Variants in BABAM2 observed in about 807,000 individuals in gnomAD.
The protein encoded by BABAM2 is BRISC and BRCA1-A complex member 2.
A neutral mutation model predicts 54.7 loss-of-function variants in BABAM2; 31 were observed. That is an observed-to-expected ratio of 0.57 (90% CI 0.43 to 0.77). BABAM2 has a LOEUF of 0.77. BABAM2 is among the 30% of genes least tolerant of loss of function. The pLI is 0.00. For synonymous variants in BABAM2, 167 were observed against 162.9 expected, an observed-to-expected ratio of 1.03 and a Z score of -0.19; for missense variants, 364 against 455.8, an observed-to-expected ratio of 0.80 and a Z score of 1.83.
chr2:28,173,201 C>T (rs1674548647), intron 7 of BABAM2, among the ~76,000 whole-genome samples: 1 of 152,166 alleles, frequency 6.6e-6, no homozygotes, highest in Non-Finnish European at 1.5e-5. Context: ...TTCATAACAC[C>T]TCCCTTGAGT....
intron 3 of BABAM2, among the ~76,000 whole-genome samples, chr2:27,977,821 A>G (rs1426894029): frequency 2.6e-5 from 4 of 152,176 alleles, no homozygotes; most frequent in African/African-American, 7.2e-5. Context: ...AAGCCTGTCT[A>G]AGAGGTGACT....
chr2:28,109,423 C>T (rs978624204), intron 6 of BABAM2, among the ~76,000 whole-genome samples: 2 of 151,964 alleles, frequency 1.3e-5, no homozygotes, highest in South Asian at 2.1e-4. Context: ...CTCTTGACCT[C>T]GTGATCTGCC....
chr2:27,991,769 T>A (rs1435733643), intron 4 of BABAM2, among the ~76,000 whole-genome samples: 1 of 152,222 alleles, frequency 6.6e-6, no homozygotes, highest in Admixed American at 6.5e-5. Context: ...TATACTGCAT[T>A]TTATTTATCC....
intron 10 of BABAM2, among the ~76,000 whole-genome samples, chr2:28,282,550 T>C (rs916131532): frequency 6.6e-6 from 1 of 152,200 alleles, no homozygotes; most frequent in Non-Finnish European, 1.5e-5. Context: ...GGTCGAATCC[T>C]GGCCCCATCT....
At chr2:27,980,410 C>T (rs1351366282) in intron 3 of BABAM2, among the ~76,000 whole-genome samples, 5 of 152,180 alleles carry the variant, frequency 3.3e-5, no homozygotes, top group Non-Finnish European at 7.3e-5. Context: ...ATGTTTTCTA[C>T]TTCCTGTATA....
intron 4 of BABAM2, among the ~76,000 whole-genome samples, chr2:28,002,189 G>T (rs547017549): frequency 5.3e-5 from 8 of 152,206 alleles, no homozygotes; most frequent in African/African-American, 1.9e-4. Flanking sequence ...TTCTGCTCAC[G>T]CTGATATTAC....
At chr2:28,194,534 C>G (rs555757773) in intron 7 of BABAM2, among the ~76,000 whole-genome samples, 90 of 149,420 alleles carry the variant, frequency 6.0e-4, no homozygotes, top group Non-Finnish European at 7.8e-4. Context: ...CCGTAATTTT[C>G]AGTGTTTCCC....
intron 7 of BABAM2, among the ~76,000 whole-genome samples, chr2:28,130,478 C>T (rs758918326): frequency 9.2e-5 from 14 of 152,000 alleles, no homozygotes; most frequent in East Asian, 3.9e-4. Flanking sequence ...TTTGAGACAG[C>T]GTCTCACTCT....
intron 6 of BABAM2, among the ~76,000 whole-genome samples, chr2:28,106,805 T>C (rs969327809): frequency 1.1e-4 from 16 of 152,200 alleles, no homozygotes; most frequent in Non-Finnish European, 1.8e-4. Flanking sequence ...TATCAAGCTT[T>C]CAATTTATTT....
chr2:28,151,656 G>A (rs1429637312), intron 7 of BABAM2, among the ~76,000 whole-genome samples: 1 of 119,608 alleles, frequency 8.4e-6, no homozygotes, highest in East Asian at 2.1e-4. Flanking sequence ...TTCTTCAATA[G>A]TGAGTTAAAA....
At chr2:27,895,478 A>C (rs1310814034) in intron 2 of BABAM2, among the ~76,000 whole-genome samples, 2 of 152,152 alleles carry the variant, frequency 1.3e-5, no homozygotes, top group African/African-American at 4.8e-5. Flanking sequence ...TTTTTTTCCC[A>C]AGTGTAGTAC....
chr2:28,116,089 T>C (rs900797390), intron 6 of BABAM2, among the ~76,000 whole-genome samples: 22 of 150,122 alleles, frequency 1.5e-4, no homozygotes, highest in Admixed American at 6.7e-4. Context: ...CACTCCAGCC[T>C]GGGCAACGAG....
At chr2:28,142,466 A>G (rs1199129552) in intron 7 of BABAM2, among the ~76,000 whole-genome samples, 2 of 152,194 alleles carry the variant, frequency 1.3e-5, no homozygotes. Context: ...AGTTATATGT[A>G]TCAGTGGAAA....
rs917587582 is a variant in BABAM2, at chr2:28,115,332, A to G, written c.571-13939A>G. ...GATAAAGGAAGTCTCATGAGAGGAT[A>G]TGACTTCTAAATTGAACTTAAAAGA... On this transcript the variant is annotated intron_variant, in intron 6 of 11. Transcript: ENST00000379624. Among the ~76,000 whole-genome samples, 50 of 152,150 alleles carry G rather than the reference A, an allele frequency of 3.3e-4. 1 individual carries two copies. The highest frequency in any genetic ancestry group is 1.2e-3 in the African/African-American group (50 of 41,452).
chr2:28,265,269 C>T (rs1165237395), intron 10 of BABAM2, among the ~76,000 whole-genome samples: 1 of 152,046 alleles, frequency 6.6e-6, no homozygotes, highest in East Asian at 1.9e-4. Context: ...AACCCCGTCT[C>T]TACAAAAATT....
chr2:28,080,070 C>T (rs1665029937), intron 6 of BABAM2, among the ~76,000 whole-genome samples: 3 of 152,132 alleles, frequency 2.0e-5, no homozygotes, highest in Admixed American at 2.0e-4. Flanking sequence ...AGAAACCCTT[C>T]AGCCACTCCT....
intron 3 of BABAM2, among the ~76,000 whole-genome samples, chr2:27,971,468 A>G (rs993693616): frequency 6.6e-6 from 1 of 152,050 alleles, no homozygotes; most frequent in African/African-American, 2.4e-5. Flanking sequence ...AGGGTTTTTC[A>G]TCGTTTCCTC....
At chr2:28,250,584 C>CTTTTTTTTT (rs34597279) in intron 10 of BABAM2, among the ~76,000 whole-genome samples, 48 of 136,952 alleles carry the variant, frequency 3.5e-4, no homozygotes, top group East Asian at 8.5e-4. Context: ...ATATTTTTTT[C>CTTTTTTTTT]TTTTTTTTTT....
intron 7 of BABAM2, among the ~76,000 whole-genome samples, chr2:28,132,869 CT>C (rs1482187189): frequency 6.6e-6 from 1 of 151,760 alleles, no homozygotes; most frequent in African/African-American, 2.4e-5. Flanking sequence ...AGGAACAAGT[CT>C]TTTTTTTAAT....
Sources: gnomAD v4.1 joint callset for allele counts (sites outside exome capture counted in the v4.1 genomes callset) on GRCh38, gnomAD v4.1.1 for gene constraint, MANE v1.5 for transcripts, NCBI Gene and HGNC (gene_info 2026-07-23, HGNC 2026-07-21) for gene names.